Variants in FAT2 observed in about 807,000 individuals in gnomAD.
FAT2 encodes protocadherin Fat 2.
Under a neutral mutation model 295.3 loss-of-function variants are expected in FAT2, and 150 were observed. The observed-to-expected ratio is 0.51, with a 90% CI of 0.44 to 0.58. The LOEUF (loss-of-function observed/expected upper bound fraction) is 0.58, where lower values mean the gene tolerates loss of function less well. Among genes scored for constraint, FAT2 ranks in the 20% least tolerant of loss-of-function variants. The probability of loss-of-function intolerance (pLI) is 0.00; values close to 1 mark genes in which losing one functional copy is unlikely to be tolerated. For synonymous variants in FAT2, 2,026 were observed against 2,150.3 expected, an observed-to-expected ratio of 0.94 and a Z score of 1.60; for missense variants, 4,868 against 5,442.7, an observed-to-expected ratio of 0.89 and a Z score of 3.32.
intron 3 of FAT2, among the ~76,000 whole-genome samples, chr5:151,558,957 CAGAGCTACTGGTCG>C (rs1757903302): frequency 6.6e-6 from 1 of 152,238 alleles, no homozygotes; most frequent in Non-Finnish European, 1.5e-5. Flanking sequence ...TAAATGAAAG[CAGAGCTACTGGTCG>C]AGGTTAATGG....
chr5:151,574,076 C>T (rs1275450823), intron 1 of FAT2, among the ~76,000 whole-genome samples: 4 of 152,058 alleles, frequency 2.6e-5, no homozygotes, highest in Admixed American at 2.6e-4. Flanking sequence ...CCTAAACGAG[C>T]CCCCCAATGG....
At position 151,506,228 on chromosome 5, in the gene FAT2, G is replaced by A. The variant is rs1411235403; in HGVS notation, c.12518-131C>T. 24 of 904,246 alleles carry A rather than the reference G, an allele frequency of 2.7e-5. No homozygotes were observed. In the Admixed American group the frequency reaches 8.0e-4, roughly 30 times the overall value. The allele number at this position is 904,246 out of a possible 1,614,324, so 56.0% of individuals were successfully genotyped here. ...GGTGGGCATAGGCCCATCTGTGCAG[G>A]TTGTCTCTGTTGGCTTACGTTGATA... On this transcript the variant is annotated intron_variant, in intron 23 of 23. Transcript: ENST00000261800.
At position 151,561,741 on chromosome 5, in the gene FAT2, G is replaced by T. The variant is rs560428558; in HGVS notation, c.3574+1584C>A. On this transcript the variant is annotated intron_variant, in intron 3 of 23. Coordinates refer to ENST00000261800, the MANE Select transcript of FAT2 (RefSeq NM_001447.3). ...GGAAGCCATACAAGGCATCCAAGTAGGGAAGTGGGACAAAGTAATGGTGGT... is the reference window on the plus strand; with the variant it reads ...GGAAGCCATACAAGGCATCCAAGTATGGAAGTGGGACAAAGTAATGGTGGT... Among the ~76,000 whole-genome samples the T allele has an allele frequency of 2.6e-4, 39 of 152,346 alleles. No homozygotes were observed. In the South Asian group the frequency reaches 7.7e-3, roughly 30 times the overall value.
chr5:151,532,137 T>C (rs1314223074), intron 13 of FAT2, among the ~76,000 whole-genome samples, 167 bp from the exon 14 acceptor site: 1 of 152,116 alleles, frequency 6.6e-6, no homozygotes, highest in Non-Finnish European at 1.5e-5. Context: ...GTGTCTTGAC[T>C]GGGGCAGGGA....
At position 151,543,663 on chromosome 5, in the gene FAT2, T is replaced by C; in HGVS notation, c.7464A>G (p.Ala2488=). 1 of 1,614,216 alleles carries C rather than the reference T, an allele frequency of 6.2e-7. No homozygotes were observed. Among genetic ancestry groups the C allele is most frequent in the South Asian group, 1.1e-5 (1 of 91,092 alleles). Residue 2488 remains alanine, a synonymous_variant, in exon 10 of 24, where the codon GCA becomes GCG. Coordinates refer to ENST00000261800, the MANE Select transcript of FAT2 (RefSeq NM_001447.3). The part of the protein sequence containing the change: ...SPEFQQHLYE[A]ELAENAMVGT... The stretch of plus-strand genomic sequence containing the variant: ...CAACCATTGCATTCTCTGCTAATTC[T>C]GCCTCATAAAGGTGCTGCTGGAACT...
At chr5:151,530,782 A>G (rs1380428075) in intron 14 of FAT2, among the ~76,000 whole-genome samples, 4 of 152,290 alleles carry the variant, frequency 2.6e-5, no homozygotes, top group Non-Finnish European at 4.4e-5. Flanking sequence ...CTGCGGTTGG[A>G]TGGATGTAGG....
chr5:151,578,446 A>G (rs566578602), intron 1 of FAT2, among the ~76,000 whole-genome samples: 3 of 152,310 alleles, frequency 2.0e-5, no homozygotes, highest in African/African-American at 7.2e-5. Flanking sequence ...TGGGATGACT[A>G]TTATCAAAAA....
In FAT2 at chr5:151,504,400, A is replaced by C. The variant is rs754454057; in HGVS notation, c.*1165T>G. On this transcript the variant is annotated 3_prime_UTR_variant, in exon 24 of 24. Coordinates refer to ENST00000261800, the MANE Select transcript of FAT2 (RefSeq NM_001447.3). ...TCTGGTCCCCACCACTCCTGGCTAC[A>C]TACACTCTACACATGTGTACACACG... The C allele has an allele frequency of 6.5e-6, 1 of 152,688 alleles. No individual in the cohort carries two copies. The highest frequency in any genetic ancestry group is 2.4e-5 in the African/African-American group (1 of 41,460). 9.5% of individuals were successfully genotyped at this position (152,688 alleles called of 1,614,324 possible).
Position 151,545,777 on chromosome 5 carries a change from G to T in FAT2, c.5350C>A (p.Pro1784Thr), listed in dbSNP as rs1228299579. The change falls in exon 10 of 24, where the codon CCC becomes ACC. Residue 1784 changes from proline (P) to threonine (T), a missense_variant. This residue lies in a region of FAT2 where 3,297 missense variants were observed against 3,669.4 expected (regional missense o/e 0.90). Coordinates refer to ENST00000261800, the MANE Select transcript of FAT2 (RefSeq NM_001447.3). ...YSMIMDKNNN[P>T]FVIHASDSDK... ...CTGTCAGAGGCATGAATCACAAAGG[G>T]GTTGTTGTTTTTATCCATGATCATG... 6.2e-7 allele frequency: 1 copy of T among 1,614,138 alleles called. No homozygotes were observed. Among genetic ancestry groups the T allele is most frequent in the Non-Finnish European group, 8.5e-7 (1 of 1,180,034 alleles).
chr5:151,558,713 A>G (rs546173669), intron 3 of FAT2, among the ~76,000 whole-genome samples: 33 of 152,184 alleles, frequency 2.2e-4, no homozygotes, highest in African/African-American at 8.0e-4. Flanking sequence ...ATTTATTATT[A>G]TTATTATTCA....
chr5:151,534,993 ATATG>A (rs1214593730), intron 12 of FAT2, among the ~76,000 whole-genome samples: 3 of 139,636 alleles, frequency 2.1e-5, no homozygotes, highest in Non-Finnish European at 3.1e-5. Context: ...ATATATATAT[ATATG>A]TATACATTTT....
At chr5:151,553,041 C>A in intron 6 of FAT2, 136 bp downstream of exon 6, 2 of 769,086 alleles carry the variant, frequency 2.6e-6, no homozygotes, top group Non-Finnish European at 4.3e-6. Context: ...AGAGGCAGTC[C>A]CCACTCCGGG....
chr5:151,553,297 G>T lies in FAT2; in HGVS notation c.4036C>A (p.Pro1346Thr), dbSNP rs1397246789. ...TAGTAGGTCTCATCAAAGGCCAGAG[G>T]GATGGAGGACGGCCGGGGCCAAGGG... ...WIPWPRPSSIPLAFDETYYSF... is the reference protein window; with the variant it reads ...WIPWPRPSSITLAFDETYYSF... Residue 1346 changes from proline (P) to threonine (T), a missense_variant, in exon 6 of 24, where the codon CCT (proline) becomes ACT (threonine). Coordinates refer to ENST00000261800, the MANE Select transcript of FAT2 (RefSeq NM_001447.3). 6.2e-7 allele frequency: 1 copy of T among 1,614,270 alleles called. No homozygotes were observed. Among genetic ancestry groups the T allele is most frequent in the South Asian group, 1.1e-5 (1 of 91,086 alleles).
chr5:151,566,650 C>G lies in FAT2; in HGVS notation c.2282G>C (p.Gly761Ala). 1 of 1,614,152 alleles carries G rather than the reference C, an allele frequency of 6.2e-7. No individual in the cohort carries two copies. Among genetic ancestry groups the G allele is most frequent in the Non-Finnish European group, 8.5e-7 (1 of 1,180,026 alleles). Residue 761 changes from glycine to alanine, a missense_variant, in exon 2 of 24, where the codon GGC becomes GCC. This residue lies in a region of FAT2 where 3,297 missense variants were observed against 3,669.4 expected (regional missense o/e 0.90). Coordinates refer to ENST00000261800, the MANE Select transcript of FAT2 (RefSeq NM_001447.3). ...VYVIADGNEE[G>A]CFDIELETGL... ...TGTCTCCAGCTCTATGTCAAAGCAG[C>G]CCTCCTCATTGCCATCTGCAATCAC...
intron 23 of FAT2, among the ~76,000 whole-genome samples, chr5:151,506,451 AAC>A (rs1282097933): frequency 1.3e-5 from 2 of 150,154 alleles, no homozygotes; most frequent in African/African-American, 2.4e-5. Flanking sequence ...AACTGAAGGA[AAC>A]ACACACACAG....
rs908288240 is a variant in FAT2 at position 151,554,533 on chromosome 5, C to G, written c.3774G>C (p.Val1258=). Residue 1258 remains valine, a synonymous_variant, in exon 5 of 24, where the codon GTG becomes GTC. Transcript: ENST00000261800. The part of the protein sequence containing the change: ...NVRLPERLSP[V]SPGPVYRLVA... The stretch of plus-strand genomic sequence containing the variant: ...CCAGCCTGTACACAGGCCCAGGGGA[C>G]ACAGGGCTCAGCCTCTCTGGAAGGC... 1 of 1,614,202 alleles carries G rather than the reference C, an allele frequency of 6.2e-7. No homozygotes were observed. The highest frequency in any genetic ancestry group is 8.5e-7 in the Non-Finnish European group (1 of 1,180,036).
rs137947267 is a variant in FAT2, at chr5:151,566,014, C to T, written c.2918G>A (p.Arg973Gln). ...GAGCGCCCCTGTCATCAGGTCCACC[C>T]GGAAGGTCCCATGGGCGCCATCCAT... ...VLMDGAHGTFRVDLMTGALIL... is the reference protein window; with the variant it reads ...VLMDGAHGTFQVDLMTGALIL... The change falls in exon 2 of 24, where the codon CGG (arginine) becomes CAG (glutamine). Residue 973 changes from arginine (R) to glutamine (Q), a missense_variant. Physicochemically the swap from Arg to Gln is conservative, Grantham distance 43. This residue lies in a region of FAT2 where 3,297 missense variants were observed against 3,669.4 expected (regional missense o/e 0.90). Coordinates refer to ENST00000261800, the MANE Select transcript of FAT2 (RefSeq NM_001447.3). 75 of 1,613,998 alleles carry T rather than the reference C, an allele frequency of 4.6e-5. No homozygotes were observed. Among genetic ancestry groups the T allele is most frequent in the Non-Finnish European group, 5.5e-5 (65 of 1,180,024 alleles).
rs201218162 is a variant in FAT2 at position 151,545,867 on chromosome 5, T to C, written c.5260A>G (p.Asn1754Asp). The C allele has an allele frequency of 1.1e-5, 17 of 1,614,196 alleles. 1 individual carries two copies. The East Asian group carries it at 3.6e-4, about 34-fold the overall frequency. ...VVVDIIDEND[N>D]APMFLKSTFV... ...GTTGACTTTAAGAACATAGGAGCAT[T>C]GTCATTTTCATCAATTATGTCAACC... Residue 1754 changes from asparagine to aspartate, a missense_variant, in exon 10 of 24, where the codon AAT becomes GAT. Transcript: ENST00000261800.
rs745595537 is a variant in FAT2, at chr5:151,566,260, A to G, written c.2672T>C (p.Leu891Pro). ...GGGCTGATCCCTGGCCTCCACCTTG[A>G]GTATGTACCGAGGCTCTGATTCGCG... ...LDRESEPRYI[L>P]KVEARDQPSK... Residue 891 changes from leucine (L) to proline (P), a missense_variant, in exon 2 of 24, where the codon CTC (leucine) becomes CCC (proline). This residue lies in a region of FAT2 where 3,297 missense variants were observed against 3,669.4 expected (regional missense o/e 0.90). Transcript: ENST00000261800. 6.2e-7 allele frequency: 1 copy of G among 1,614,078 alleles called. No individual in the cohort carries two copies. The highest frequency in any genetic ancestry group is 8.5e-7 in the Non-Finnish European group (1 of 1,180,022).
Sources: allele counts gnomAD v4.1 joint callset (sites outside exome capture counted in the v4.1 genomes callset), GRCh38; gene constraint gnomAD v4.1.1; regional missense constraint gnomAD v4.1.1; transcripts MANE v1.5; gene names NCBI Gene and HGNC (gene_info 2026-07-23, HGNC 2026-07-21).